Variants in VWA8 observed in about 807,000 individuals in gnomAD.
The protein encoded by VWA8 is von Willebrand factor A domain-containing protein 8.
Under a neutral mutation model 241.5 loss-of-function variants are expected in VWA8, and 221 were observed. That is an observed-to-expected ratio of 0.91 (90% CI 0.82 to 1.02). VWA8 has a LOEUF of 1.02. VWA8 is among the 50% of genes least tolerant of loss of function. VWA8 has a pLI of 0.00. For synonymous variants in VWA8, 852 were observed against 827.1 expected (o/e 1.03, Z -0.52); for missense variants, 2,322 against 2,328.7 (o/e 1.00, Z 0.06).
chr13:41,677,225 G>A (rs2045066496), intron 35 of VWA8, among the ~76,000 whole-genome samples: 1 of 152,024 alleles, frequency 6.6e-6, no homozygotes, highest in Admixed American at 6.6e-5. Context: ...GGGGTCCAGA[G>A]CCCTCAACTA....
chr13:41,615,283 A>G (rs1566388485), intron 37 of VWA8, among the ~76,000 whole-genome samples, 199 bp from the exon 38 acceptor site: 1 of 152,154 alleles, frequency 6.6e-6, no homozygotes, highest in Non-Finnish European at 1.5e-5. Context: ...AAGAAGAACT[A>G]ATTTTTTAAA....
intron 12 of VWA8, among the ~76,000 whole-genome samples, chr13:41,861,882 T>C (rs1408141921): frequency 6.6e-6 from 1 of 152,218 alleles, no homozygotes; most frequent in East Asian, 1.9e-4. Flanking sequence ...CAAAGCAATT[T>C]ACAGATTAAA....
chr13:41,639,157 G>T (rs917449769), intron 37 of VWA8, among the ~76,000 whole-genome samples: 2 of 140,706 alleles, frequency 1.4e-5, no homozygotes, highest in South Asian at 2.5e-4. Context: ...GGGCTTAAAA[G>T]ACTTTTTTTT....
intron 37 of VWA8, among the ~76,000 whole-genome samples, chr13:41,648,513 T>C (rs1196271791): frequency 6.6e-6 from 1 of 152,220 alleles, no homozygotes; most frequent in Admixed American, 6.5e-5. Flanking sequence ...TTTCACAGTA[T>C]GTCAAAGACT....
intron 37 of VWA8, among the ~76,000 whole-genome samples, chr13:41,646,694 C>T (rs1331907493): frequency 1.3e-5 from 2 of 152,192 alleles, no homozygotes; most frequent in African/African-American, 4.8e-5. Flanking sequence ...AGAAATATGC[C>T]TGAAAGGCAA....
intron 21 of VWA8, among the ~76,000 whole-genome samples, chr13:41,742,220 G>A (rs1028076220): frequency 1.3e-5 from 2 of 152,200 alleles, no homozygotes; most frequent in Non-Finnish European, 2.9e-5. Flanking sequence ...TCAGAGACAG[G>A]ATTGGAGAAG....
intron 9 of VWA8, among the ~76,000 whole-genome samples, chr13:41,869,332 T>G (rs1873471706): frequency 6.6e-6 from 1 of 151,986 alleles, no homozygotes; most frequent in Admixed American, 6.6e-5. Flanking sequence ...TTTGTTGAAC[T>G]GGATTTAAAA....
intron 2 of VWA8, among the ~76,000 whole-genome samples, chr13:41,931,757 C>T (rs1471207387): frequency 6.6e-6 from 1 of 151,838 alleles, no homozygotes; most frequent in African/African-American, 2.4e-5. Flanking sequence ...AATTACAAAG[C>T]TTTTTGAACT....
chr13:41,942,019 C>G (rs1468375282), intron 2 of VWA8, among the ~76,000 whole-genome samples: 4 of 152,140 alleles, frequency 2.6e-5, no homozygotes, highest in Non-Finnish European at 5.9e-5. Context: ...AAAACATTAG[C>G]TACACTCATA....
intron 2 of VWA8, among the ~76,000 whole-genome samples, chr13:41,942,604 A>G (rs1877653440): frequency 6.6e-6 from 1 of 152,086 alleles, no homozygotes. Context: ...ACCTGCATCC[A>G]CCCACCTACT....
intron 12 of VWA8, among the ~76,000 whole-genome samples, chr13:41,846,875 A>G (rs1009639372): frequency 6.6e-6 from 1 of 152,100 alleles, no homozygotes; most frequent in African/African-American, 2.4e-5. Context: ...CATCTCTACT[A>G]AAAATTAGCC....
chr13:41,777,081 T>C (rs1868630057), intron 20 of VWA8, among the ~76,000 whole-genome samples: 1 of 152,160 alleles, frequency 6.6e-6, no homozygotes, highest in Admixed American at 6.5e-5. Context: ...ATCAGGACCC[T>C]GTAAACCTAA....
At chr13:41,943,786 G>A (rs1877710476) in intron 2 of VWA8, among the ~76,000 whole-genome samples, 1 of 152,096 alleles carries the variant, frequency 6.6e-6, no homozygotes, top group Non-Finnish European at 1.5e-5. Flanking sequence ...GAACATCACT[G>A]TTCATCAGAG....
chr13:41,939,841 T>A (rs1390076774), intron 2 of VWA8, among the ~76,000 whole-genome samples: 4 of 152,208 alleles, frequency 2.6e-5, no homozygotes, highest in Non-Finnish European at 5.9e-5. Flanking sequence ...CATTGTGATT[T>A]TTATTATTTC....
chr13:41,684,155 A>AT (rs1247666484), intron 35 of VWA8, among the ~76,000 whole-genome samples: 4 of 152,168 alleles, frequency 2.6e-5, no homozygotes, highest in African/African-American at 9.7e-5. Context: ...CACAAAAAAA[A>AT]TTTTAAGGAA....
At chr13:41,672,900 A>AT (rs1238708284) in intron 36 of VWA8, among the ~76,000 whole-genome samples, 2 of 152,182 alleles carry the variant, frequency 1.3e-5, no homozygotes, top group Non-Finnish European at 2.9e-5. Context: ...GTTGTTTGAA[A>AT]TTCTGCCAAG....
chr13:41,872,521 A>G (rs1041501875), intron 9 of VWA8, among the ~76,000 whole-genome samples: 5 of 152,182 alleles, frequency 3.3e-5, no homozygotes, highest in African/African-American at 7.2e-5. Context: ...AGCTTTCTAC[A>G]TATGGCTAGC....
rs10544998 is a variant in VWA8 at position 41,884,890 on chromosome 13, TATACATACATACATACATAC to T, written c.975+1010_975+1029del. On this transcript the variant is annotated intron_variant, in intron 8 of 44. Transcript: ENST00000379310. ...CCCTGACTCACATGAAACATACATA[TATACATACATACATACATAC>T]ATACATACATACATACATACATACA... Among the ~76,000 whole-genome samples the T allele has an allele frequency of 4.3e-4, 65 of 150,058 alleles. 1 individual carries two copies. In the East Asian group the frequency reaches 0.011, roughly 24 times the overall value.
At chr13:41,792,745 GAATAAAGATGT>G (rs1250669864) in intron 17 of VWA8, among the ~76,000 whole-genome samples, 1 of 151,724 alleles carries the variant, frequency 6.6e-6, no homozygotes, top group Non-Finnish European at 1.5e-5. Context: ...TTATAACTTT[GAATAAAGATGT>G]ATACTTTTCT....
Sources: allele counts gnomAD v4.1 joint callset (sites outside exome capture counted in the v4.1 genomes callset), GRCh38; gene constraint gnomAD v4.1.1; transcripts MANE v1.5; gene names NCBI Gene and HGNC (gene_info 2026-07-23, HGNC 2026-07-21).